MYO16: variants seen among roughly 807,000 people sequenced by gnomAD.
The protein encoded by MYO16 is myosin XVI.
In MYO16, 94 loss-of-function variants were observed where a neutral mutation model predicts 205.3. That is an observed-to-expected ratio of 0.46 (90% CI 0.39 to 0.54). The LOEUF is 0.54. Ranked by LOEUF, MYO16 falls within the 20% of genes least tolerant of loss-of-function variation. MYO16 has a pLI of 0.00. For missense variants in MYO16, 2,315 were observed against 2,387.5 expected (o/e 0.97, Z 0.63); for synonymous variants, 988 against 954.0 (o/e 1.04, Z -0.66).
intron 2 of MYO16, among the ~76,000 whole-genome samples, chr13:108,703,503 A>G (rs535028169): frequency 6.6e-6 from 1 of 152,252 alleles, no homozygotes; most frequent in African/African-American, 2.4e-5. Context: ...ACAGCAATGG[A>G]TGGAGCTAGA....
At chr13:108,964,612 G>A (rs141343500) in intron 19 of MYO16, 149 bp from the exon 20 acceptor site, 21 of 823,042 alleles carry the variant, frequency 2.6e-5, no homozygotes, top group Middle Eastern at 2.7e-4. Context: ...AATAACTGAC[G>A]GAGACCTCAT....
At chr13:109,042,827 G>A (rs141434089) in intron 23 of MYO16, among the ~76,000 whole-genome samples, 195 of 152,238 alleles carry the variant, frequency 1.3e-3, no homozygotes, top group African/African-American at 4.0e-3. Flanking sequence ...TTCACAATTC[G>A]TTAACTTCAT....
chr13:108,498,948 C>A, the MYO16 span, among the ~76,000 whole-genome samples: 2 of 152,180 alleles, frequency 1.3e-5, no homozygotes, highest in African/African-American at 4.8e-5. Flanking sequence ...TGTCCCCAGG[C>A]AAAATTAGGG....
intron 29 of MYO16, 141 bp from the exon 30 acceptor site, chr13:109,124,971 G>T: frequency 2.1e-6 from 2 of 934,020 alleles, no homozygotes; most frequent in Admixed American, 5.7e-5. Context: ...TATCACTGCT[G>T]ATTTAGATAA....
intron 6 of MYO16, among the ~76,000 whole-genome samples, chr13:108,797,074 A>C (rs1594301484): frequency 6.6e-6 from 1 of 152,084 alleles, no homozygotes; most frequent in African/African-American, 2.4e-5. Flanking sequence ...GTGCAATTGG[A>C]CCTCCTAATA....
chr13:108,499,123 T>G, the MYO16 span, among the ~76,000 whole-genome samples: 409 of 152,362 alleles, frequency 2.7e-3, 19 homozygotes, highest in South Asian at 0.082. Context: ...ATGAGTTAAT[T>G]GAGATCAAAC....
At chr13:108,938,906 A>T (rs1289691304) in intron 16 of MYO16, among the ~76,000 whole-genome samples, 8 of 152,250 alleles carry the variant, frequency 5.3e-5, no homozygotes, top group Admixed American at 5.2e-4. Context: ...TGGCACACAC[A>T]GATCAGATCC....
At chr13:108,927,306 C>A (rs1483469778) in intron 16 of MYO16, among the ~76,000 whole-genome samples, 1 of 152,198 alleles carries the variant, frequency 6.6e-6, no homozygotes, top group Non-Finnish European at 1.5e-5. Flanking sequence ...CTCCACCCAA[C>A]AACAAGGATG....
chr13:108,566,731 A>G, the MYO16 span, among the ~76,000 whole-genome samples: 28 of 125,478 alleles, frequency 2.2e-4, no homozygotes, highest in East Asian at 9.2e-4. Context: ...GGAAGGAAGG[A>G]AGGGAGGAAG....
At chr13:108,546,881 G>C in the MYO16 span, among the ~76,000 whole-genome samples, 4,221 of 152,192 alleles carry the variant, frequency 0.028, 145 homozygotes, top group South Asian at 0.093. Context: ...ATCATATGAG[G>C]TTGATAAGTG....
chr13:109,199,069 C>A (rs1012688753), intron 34 of MYO16, among the ~76,000 whole-genome samples: 12 of 151,698 alleles, frequency 7.9e-5, no homozygotes, highest in African/African-American at 2.9e-4. Context: ...CTCCCCTGTT[C>A]TAACTGGTTA....
intron 10 of MYO16, among the ~76,000 whole-genome samples, chr13:108,849,303 G>T (rs1877699640): frequency 6.6e-6 from 1 of 152,046 alleles, no homozygotes; most frequent in South Asian, 2.1e-4. Flanking sequence ...CGATTCTCCT[G>T]CCTGAGCCTT....
chr13:109,083,526 T>G (rs973263615), intron 27 of MYO16, among the ~76,000 whole-genome samples: 1 of 150,622 alleles, frequency 6.6e-6, no homozygotes, highest in Non-Finnish European at 1.5e-5. Context: ...AGAAAGATGA[T>G]ATAGATTGAG....
At chr13:108,809,998 T>G (rs1887237379) in intron 7 of MYO16, among the ~76,000 whole-genome samples, 1 of 152,300 alleles carries the variant, frequency 6.6e-6, no homozygotes, top group Non-Finnish European at 1.5e-5. Context: ...ATGCCTCGTG[T>G]GTGTATGGAT....
At chr13:108,796,937 A>G (rs1445266405) in intron 6 of MYO16, among the ~76,000 whole-genome samples, 1 of 148,706 alleles carries the variant, frequency 6.7e-6, no homozygotes, top group Non-Finnish European at 1.5e-5. Context: ...AATTAAAATT[A>G]AAATTAAAAT....
intron 1 of MYO16, among the ~76,000 whole-genome samples, chr13:108,644,131 G>C (rs10161701): frequency 0.025 from 3,764 of 152,188 alleles, 148 homozygotes; most frequent in African/African-American, 0.085. Context: ...CGGATCCTCA[G>C]CTCTGAGACG....
chr13:108,821,654 G>C (rs887968112), intron 8 of MYO16, among the ~76,000 whole-genome samples: 2 of 152,056 alleles, frequency 1.3e-5, no homozygotes, highest in African/African-American at 4.8e-5. Flanking sequence ...TGACTACATG[G>C]ACTCCCATGG....
chr13:108,643,099 T>G (rs1342192875), intron 1 of MYO16, among the ~76,000 whole-genome samples: 1 of 152,216 alleles, frequency 6.6e-6, no homozygotes, highest in African/African-American at 2.4e-5. Flanking sequence ...GGACCCACAA[T>G]GAACATATAG....
rs7981874 is a variant in MYO16, at chr13:108,848,434, G to T, written c.1248+3941G>T. ...ATCCTCAAAATGTCACTGTGAGCAG[G>T]TTATTTTCTGCTTTCACTACATAAC... On this transcript the variant is annotated intron_variant, in intron 10 of 34. Transcript: ENST00000457511. Among the ~76,000 whole-genome samples the T allele has an allele frequency of 2.7e-3, 417 of 152,286 alleles. 5 individuals are homozygous for T. Among genetic ancestry groups the T allele is most frequent in the Non-Finnish European group, 2.7e-3 (187 of 68,020 alleles).
Sources: gnomAD v4.1 joint callset for allele counts (sites outside exome capture counted in the v4.1 genomes callset) on GRCh38, gnomAD v4.1.1 for gene constraint, MANE v1.5 for transcripts, NCBI Gene and HGNC (gene_info 2026-07-23, HGNC 2026-07-21) for gene names.